Variants in GABRB3 observed in about 807,000 individuals in gnomAD.
GABRB3 encodes gamma-aminobutyric acid type A receptor subunit beta3, also known as gamma-aminobutyric acid receptor subunit beta-3.
In GABRB3, 14 loss-of-function variants were observed where a neutral mutation model predicts 52.1. The observed-to-expected ratio is 0.27, with a 90% CI of 0.18 to 0.42. The LOEUF is 0.42. Ranked by LOEUF, GABRB3 falls within the 10% of genes least tolerant of loss-of-function variation. GABRB3 has a pLI of 1.00. For missense variants in GABRB3, 307 were observed against 609.1 expected, an observed-to-expected ratio of 0.50 and a Z score of 5.22; for synonymous variants, 260 against 232.3, an observed-to-expected ratio of 1.12 and a Z score of -1.08.
chr15:26,740,494 A>T (rs908050375), intron 3 of GABRB3, among the ~76,000 whole-genome samples: 2 of 151,888 alleles, frequency 1.3e-5, no homozygotes, highest in South Asian at 4.2e-4. Flanking sequence ...TGGCTGAAGG[A>T]GCACCTGCAT....
chr15:26,560,877 G>A (rs961084407), intron 8 of GABRB3, 55 bp downstream of exon 8: 23 of 1,610,190 alleles, frequency 1.4e-5, no homozygotes, highest in Non-Finnish European at 1.8e-5. Context: ...GCAAGTAAAT[G>A]CAGTAGCTGC....
upstream of GABRB3, chr15:26,773,672 A>T: frequency 6.4e-7 from 1 of 1,573,410 alleles, no homozygotes; most frequent in Middle Eastern, 1.8e-4. Context: ...TCGGGTCCCC[A>T]GGGTCCAGGA....
At chr15:26,761,246 T>A (rs1237791877) in intron 3 of GABRB3, among the ~76,000 whole-genome samples, 3 of 151,878 alleles carry the variant, frequency 2.0e-5, no homozygotes, top group Non-Finnish European at 4.4e-5. Context: ...TACAAAAAAA[T>A]TAGCCAGGTG....
chr15:26,755,404 T>C (rs1283545272), intron 3 of GABRB3, among the ~76,000 whole-genome samples: 1 of 152,200 alleles, frequency 6.6e-6, no homozygotes, highest in Admixed American at 6.5e-5. Context: ...TTAGTCTGAA[T>C]GACTAAACCA....
chr15:26,773,709 G>A (rs866606999), upstream of GABRB3: 3 of 1,570,250 alleles, frequency 1.9e-6, no homozygotes, highest in Non-Finnish European at 2.6e-6. Context: ...AGGAGCTCCA[G>A]GAGCCCGGAG....
chr15:26,609,074 T>C (rs1891953067), intron 4 of GABRB3, among the ~76,000 whole-genome samples: 1 of 148,068 alleles, frequency 6.8e-6, no homozygotes, highest in Admixed American at 6.8e-5. Context: ...AAATTGATTT[T>C]TTTAATGATA....
intron 3 of GABRB3, among the ~76,000 whole-genome samples, chr15:26,765,038 G>A (rs926689074): frequency 4.1e-5 from 6 of 147,202 alleles, no homozygotes; most frequent in African/African-American, 1.5e-4. Context: ...GCTGAGGCAG[G>A]AGAATGGCGT....
chr15:26,636,605 T>G (rs1297801103), intron 3 of GABRB3, among the ~76,000 whole-genome samples: 1 of 152,210 alleles, frequency 6.6e-6, no homozygotes, highest in Non-Finnish European at 1.5e-5. Context: ...GATCATTCCA[T>G]CTATATGCTT....
chr15:26,549,199 G>C (rs1305834376), intron 8 of GABRB3, among the ~76,000 whole-genome samples: 1 of 152,198 alleles, frequency 6.6e-6, no homozygotes, highest in Non-Finnish European at 1.5e-5. Context: ...ATTAATTTGT[G>C]TCTTCCCGCC....
chr15:26,635,007 T>TAG (rs1893015599), intron 3 of GABRB3, among the ~76,000 whole-genome samples: 1 of 6,142 alleles, frequency 1.6e-4, no homozygotes, highest in Admixed American at 2.1e-3. Context: ...TATATATATA[T>TAG]ATAATATATA....
At chr15:26,629,867 C>T (rs1055778954) in intron 3 of GABRB3, among the ~76,000 whole-genome samples, 3 of 152,098 alleles carry the variant, frequency 2.0e-5, no homozygotes, top group African/African-American at 7.2e-5. Context: ...CTGACTCGAA[C>T]GTATTTTGTT....
intron 6 of GABRB3, among the ~76,000 whole-genome samples, chr15:26,572,108 C>T (rs569146002): frequency 8.6e-5 from 13 of 151,676 alleles, no homozygotes; most frequent in East Asian, 1.9e-4. Context: ...TTCCGGTATC[C>T]GGCGCATGCC....
At chr15:26,639,341 G>GA (rs71420015) in intron 3 of GABRB3, among the ~76,000 whole-genome samples, 54,328 of 125,976 alleles carry the variant, frequency 0.43, 11,082 homozygotes, top group Middle Eastern at 0.59. Flanking sequence ...GAAAATATTT[G>GA]AAAAAAAAAA....
intron 3 of GABRB3, among the ~76,000 whole-genome samples, chr15:26,731,503 T>C (rs565723195): frequency 9.9e-5 from 15 of 152,250 alleles, no homozygotes; most frequent in South Asian, 8.3e-4. Context: ...ACATGGAAAG[T>C]AGAGTAGACA....
intron 6 of GABRB3, among the ~76,000 whole-genome samples, chr15:26,572,031 C>T (rs958051584): frequency 2.9e-5 from 4 of 137,324 alleles, no homozygotes; most frequent in African/African-American, 5.5e-5. Flanking sequence ...GGCGACAGAG[C>T]GAGACTCCGT....
At chr15:26,557,262 C>T (rs1318005616) in intron 8 of GABRB3, among the ~76,000 whole-genome samples, 1 of 152,028 alleles carries the variant, frequency 6.6e-6, no homozygotes, top group East Asian at 1.9e-4. Flanking sequence ...CAGCAGACAC[C>T]AGGGACCCCT....
chr15:26,685,347 G>A (rs983900336), intron 3 of GABRB3, among the ~76,000 whole-genome samples: 1 of 152,194 alleles, frequency 6.6e-6, no homozygotes, highest in Non-Finnish European at 1.5e-5. Flanking sequence ...CCCCCTATGG[G>A]ATGGAGCTGA....
intron 3 of GABRB3, among the ~76,000 whole-genome samples, chr15:26,643,284 G>C (rs1234623780): frequency 6.6e-6 from 1 of 152,168 alleles, no homozygotes; most frequent in African/African-American, 2.4e-5. Context: ...CTGCAGTCAT[G>C]GTGGAACACA....
At chr15:26,634,497 G>C (rs1422675002) in intron 3 of GABRB3, among the ~76,000 whole-genome samples, 1 of 152,082 alleles carries the variant, frequency 6.6e-6, no homozygotes, top group East Asian at 1.9e-4. Context: ...GCAGTGCTGA[G>C]GGCTGGAGTG....
Sources: gnomAD v4.1 joint callset for allele counts (sites outside exome capture counted in the v4.1 genomes callset) on GRCh38, gnomAD v4.1.1 for gene constraint, MANE v1.5 for transcripts, NCBI Gene and HGNC (gene_info 2026-07-23, HGNC 2026-07-21) for gene names.